The following NAB1 variants were observed in gnomAD, a reference collection of about 807,000 sequenced individuals.
The protein encoded by NAB1 is NGFI-A-binding protein 1.
NAB1 carries 25 observed loss-of-function variants against 49.9 expected under a neutral mutation model. That is an observed-to-expected ratio of 0.50 (90% CI 0.37 to 0.70). The LOEUF is 0.70. Among genes scored for constraint, NAB1 ranks in the 30% least tolerant of loss-of-function variants. The pLI, the probability that NAB1 is intolerant of heterozygous loss-of-function variation, is 0.00. For missense variants in NAB1, 489 were observed against 575.9 expected (o/e 0.85, Z 1.54); for synonymous variants, 198 against 215.6 (o/e 0.92, Z 0.71).
chr2:190,660,464 A>G (rs1216991932), intron 4 of NAB1, among the ~76,000 whole-genome samples: 2 of 152,100 alleles, frequency 1.3e-5, no homozygotes, highest in African/African-American at 2.4e-5. Context: ...CACTTTGAAC[A>G]TTGTTTTGGT....
chr2:190,657,269 C>T lies in NAB1; in HGVS notation c.-20+1116C>T, dbSNP rs1164530859. Among the ~76,000 whole-genome samples, 1 of 152,110 alleles carries T rather than the reference C, an allele frequency of 6.6e-6. No homozygotes were observed. Among genetic ancestry groups the T allele is most frequent in the Non-Finnish European group, 1.5e-5 (1 of 68,022 alleles). ...ATTCTCCCTGGAGTGGGAGGACAGG[C>T]AGAGCCTCCTTTAGGTGATTTAGAA... On this transcript the variant is annotated intron_variant, in intron 3 of 9. Transcript: ENST00000337386. The surrounding 1 kb of genome is among the most constrained non-coding windows in gnomAD (Gnocchi z 4.4).
Position 190,669,871 on chromosome 2 carries a change from T to G in NAB1, c.820-455T>G, listed in dbSNP as rs768509234. Among the ~76,000 whole-genome samples, 14 of 152,222 alleles carry G rather than the reference T, an allele frequency of 9.2e-5. No homozygotes were observed. The highest frequency in any genetic ancestry group is 1.9e-4 in the Non-Finnish European group (13 of 68,036). On this transcript the variant is annotated intron_variant, in intron 4 of 9. Transcript: ENST00000337386. The surrounding 1 kb of genome is among the most constrained non-coding windows in gnomAD (Gnocchi z 4.3). ...TTTACTAAGTGATTTGATAAATGTT[T>G]AAAATCATATGGTCTTGATTCCTTT...
In NAB1 at chr2:190,669,105, C is replaced by T. The variant is rs1049687027; in HGVS notation, c.820-1221C>T. On this transcript the variant is annotated intron_variant, in intron 4 of 9. Coordinates refer to ENST00000337386, the MANE Select transcript of NAB1 (RefSeq NM_005966.4). This position sits in a 1 kb window ranked among gnomAD's most constrained non-coding sequence, Gnocchi z 4.3. ...GAGATGGCCACCAAGTGACTGACAG[C>T]CAGGAGTATAGACAGTGTAGATACA... 3.9e-5 allele frequency among the ~76,000 whole-genome samples: 6 copies of T among 152,082 alleles called. No individual in the cohort carries two copies. Among genetic ancestry groups the T allele is most frequent in the Admixed American group, 1.3e-4 (2 of 15,270 alleles).
intron 2 of NAB1, among the ~76,000 whole-genome samples, chr2:190,650,421 A>C (rs1026010846): frequency 1.3e-5 from 2 of 152,204 alleles, no homozygotes; most frequent in African/African-American, 4.8e-5. Context: ...GTTTTAATAG[A>C]TAATATGAGA....
rs778881617 is a variant in NAB1, at chr2:190,685,538, A to T, written c.1158A>T (p.Arg386Ser). The T allele has an allele frequency of 1.3e-5, 21 of 1,613,972 alleles. No individual in the cohort carries two copies. The highest frequency in any genetic ancestry group is 1.8e-5 in the Non-Finnish European group (21 of 1,180,010). The change falls in exon 8 of 10, where the codon AGA becomes AGT. Residue 386 changes from arginine (R) to serine (S), a missense_variant. Arg to Ser is a moderately radical substitution (Grantham distance 110, BLOSUM62 -1). Transcript: ENST00000337386. This position sits in a 1 kb window ranked among gnomAD's most constrained non-coding sequence, Gnocchi z 4.5. ...EFLCNQAGYERLQHAERRLSA... is the reference protein window; with the variant it reads ...EFLCNQAGYESLQHAERRLSA... The stretch of plus-strand genomic sequence containing the variant: ...TTTGCAACCAAGCTGGCTATGAGAG[A>T]CTGCAGCATGCCGAGAGGAGGTTGT...
At position 190,649,995 on chromosome 2, in the gene NAB1, G is replaced by C. The variant is rs1053011713; in HGVS notation, c.-197+13G>C. On this transcript the variant is annotated intron_variant, in intron 2 of 9. Coordinates refer to ENST00000337386, the MANE Select transcript of NAB1 (RefSeq NM_005966.4). The surrounding 1 kb of genome is among the most constrained non-coding windows in gnomAD (Gnocchi z 6.1). Reference sequence around the variant, plus strand: ...GTTGGATATAGAGGTGTGTGTGTGTGACCTTATCATGGAGAAACACTGAAA... The same window carrying C: ...GTTGGATATAGAGGTGTGTGTGTGTCACCTTATCATGGAGAAACACTGAAA... 1.3e-5 allele frequency: 2 copies of C among 152,112 alleles called. No homozygotes were observed. Among genetic ancestry groups the C allele is most frequent in the African/African-American group, 4.8e-5 (2 of 41,342 alleles). The allele number at this position is 152,112 out of a possible 1,614,324, so 9.4% of individuals were successfully genotyped here.
rs1695292717 is a variant in NAB1 at position 190,680,633 on chromosome 2, C to A, written c.1006-3105C>A. On this transcript the variant is annotated intron_variant, in intron 6 of 9. Coordinates refer to ENST00000337386, the MANE Select transcript of NAB1 (RefSeq NM_005966.4). This position sits in a 1 kb window ranked among gnomAD's most constrained non-coding sequence, Gnocchi z 5.2. ...GACATTTTTGTTGAATGTATAAACA[C>A]ATGTTTCTAGATTTCCAGTGTTCTT... Among the ~76,000 whole-genome samples the A allele has an allele frequency of 1.3e-5, 2 of 152,200 alleles. No individual in the cohort carries two copies. Among genetic ancestry groups the A allele is most frequent in the African/African-American group, 4.8e-5 (2 of 41,432 alleles).
rs1440016121 is a variant in NAB1 at position 190,680,744 on chromosome 2, G to A, written c.1006-2994G>A. Among the ~76,000 whole-genome samples, 1 of 152,188 alleles carries A rather than the reference G, an allele frequency of 6.6e-6. No individual in the cohort carries two copies. On this transcript the variant is annotated intron_variant, in intron 6 of 9. Transcript: ENST00000337386. The surrounding 1 kb of genome is among the most constrained non-coding windows in gnomAD (Gnocchi z 5.2). Reference sequence around the variant, plus strand: ...TGTTGAGTTCTTCCTTCTCTAAGATGTCTGTACTTTGTAATTGTCCATAAA... The same window carrying A: ...TGTTGAGTTCTTCCTTCTCTAAGATATCTGTACTTTGTAATTGTCCATAAA...
Position 190,684,711 on chromosome 2 carries a change from C to A in NAB1, c.1096-765C>A, listed in dbSNP as rs1695518939. Among the ~76,000 whole-genome samples the A allele has an allele frequency of 6.6e-6, 1 of 152,272 alleles. No individual in the cohort carries two copies. Among genetic ancestry groups the A allele is most frequent in the East Asian group, 1.9e-4 (1 of 5,190 alleles). On this transcript the variant is annotated intron_variant, in intron 7 of 9. Transcript: ENST00000337386. This position sits in a 1 kb window ranked among gnomAD's most constrained non-coding sequence, Gnocchi z 4.6. ...TCTCTTATATAGCATGGTAGTGATTCATATCTGTGCATTTTGACTATTATC... is the reference window on the plus strand; with the variant it reads ...TCTCTTATATAGCATGGTAGTGATTAATATCTGTGCATTTTGACTATTATC...
At chr2:190,671,673 C>G (rs879598672) in intron 5 of NAB1, among the ~76,000 whole-genome samples, 3 of 151,832 alleles carry the variant, frequency 2.0e-5, no homozygotes, top group Non-Finnish European at 4.4e-5. Context: ...TCAACGGTTC[C>G]TGTGCTCTGC....
rs1695212233 is a variant in NAB1, at chr2:190,679,194, A to G, written c.1006-4544A>G. 6.6e-6 allele frequency among the ~76,000 whole-genome samples: 1 copy of G among 152,260 alleles called. No homozygotes were observed. Among genetic ancestry groups the G allele is most frequent in the South Asian group, 2.1e-4 (1 of 4,830 alleles). ...GACATAACGAAATTGTGCACCACAC[A>G]TAATGTGAAAGAGACCAGTTTCTTG... On this transcript the variant is annotated intron_variant, in intron 6 of 9. Coordinates refer to ENST00000337386, the MANE Select transcript of NAB1 (RefSeq NM_005966.4). The surrounding 1 kb of genome is among the most constrained non-coding windows in gnomAD (Gnocchi z 5.3).
chr2:190,680,072 C>A lies in NAB1; in HGVS notation c.1006-3666C>A, dbSNP rs982717502. Among the ~76,000 whole-genome samples, 6 of 152,176 alleles carry A rather than the reference C, an allele frequency of 3.9e-5. No homozygotes were observed. Among genetic ancestry groups the A allele is most frequent in the African/African-American group, 1.4e-4 (6 of 41,456 alleles). ...GTTGCCTTATTTCTGCGGCACCTGC[C>A]ACTGTCCAGGGCTGGGCCTTCACCA... On this transcript the variant is annotated intron_variant, in intron 6 of 9. Coordinates refer to ENST00000337386, the MANE Select transcript of NAB1 (RefSeq NM_005966.4). This position sits in a 1 kb window ranked among gnomAD's most constrained non-coding sequence, Gnocchi z 5.2.
At chr2:190,690,029 CT>C (rs1416414679) in intron 9 of NAB1, among the ~76,000 whole-genome samples, 1 of 14,052 alleles carries the variant, frequency 7.1e-5, no homozygotes, top group South Asian at 2.4e-3. Flanking sequence ...TATATGTATA[CT>C]ATATGTATAC....
chr2:190,652,362 G>T lies in NAB1; in HGVS notation c.-197+2380G>T, dbSNP rs1464329420. 6.6e-6 allele frequency among the ~76,000 whole-genome samples: 1 copy of T among 152,154 alleles called. No homozygotes were observed. Among genetic ancestry groups the T allele is most frequent in the Non-Finnish European group, 1.5e-5 (1 of 68,030 alleles). ...GCTCAGTGGGTACTTAATGTTTGTT[G>T]AATGACTTGATGGTTGGTTGGTTAA... is the stretch of plus-strand genomic sequence containing the variant. On this transcript the variant is annotated intron_variant, in intron 2 of 9. Coordinates refer to ENST00000337386, the MANE Select transcript of NAB1 (RefSeq NM_005966.4). The surrounding 1 kb of genome is among the most constrained non-coding windows in gnomAD (Gnocchi z 4.2).
In NAB1 at chr2:190,678,436, A is replaced by G. The variant is rs1210732790; in HGVS notation, c.1005+5284A>G. Among the ~76,000 whole-genome samples, 1 of 152,234 alleles carries G rather than the reference A, an allele frequency of 6.6e-6. No homozygotes were observed. The highest frequency in any genetic ancestry group is 2.4e-5 in the African/African-American group (1 of 41,454). The stretch of plus-strand genomic sequence containing the variant: ...CTACAGTCTCAGACCTGGTGATGGC[A>G]GCTGACTAACTGGACTGAGTGCTAT... On this transcript the variant is annotated intron_variant, in intron 6 of 9. Coordinates refer to ENST00000337386, the MANE Select transcript of NAB1 (RefSeq NM_005966.4). The surrounding 1 kb of genome is among the most constrained non-coding windows in gnomAD (Gnocchi z 4.9).
At chr2:190,655,346 G>A (rs1217597078) in intron 2 of NAB1, among the ~76,000 whole-genome samples, 1 of 152,206 alleles carries the variant, frequency 6.6e-6, no homozygotes, top group Non-Finnish European at 1.5e-5. Context: ...TACAAATACA[G>A]ATTTGGAGGT....
intron 4 of NAB1, among the ~76,000 whole-genome samples, chr2:190,668,715 TTAAG>T (rs940154575): frequency 2.7e-4 from 41 of 152,286 alleles, no homozygotes; most frequent in African/African-American, 9.4e-4. Context: ...TTCAAAAATT[TTAAG>T]TAAGAAAAAT....
At position 190,687,331 on chromosome 2, in the gene NAB1, A is replaced by G. The variant is rs369886743; in HGVS notation, c.1375+14A>G. 27 of 1,379,218 alleles carry G rather than the reference A, an allele frequency of 2.0e-5. No individual in the cohort carries two copies. Among genetic ancestry groups the G allele is most frequent in the Non-Finnish European group, 2.4e-5 (24 of 997,476 alleles). The allele number at this position is 1,379,218 out of a possible 1,614,324, so 85.4% of individuals were successfully genotyped here. On this transcript the variant is annotated intron_variant, in intron 9 of 9. Coordinates refer to ENST00000337386, the MANE Select transcript of NAB1 (RefSeq NM_005966.4). ...CCCACTCATCAGGTGAGAACGTGCTATATGATGAGAGGGTAACACTTGAAT... is the reference window on the plus strand; with the variant it reads ...CCCACTCATCAGGTGAGAACGTGCTGTATGATGAGAGGGTAACACTTGAAT...
chr2:190,659,123 T>C lies in NAB1; in HGVS notation c.-19-35T>C. The C allele has an allele frequency of 5.0e-6, 7 of 1,386,404 alleles. No homozygotes were observed. In the South Asian group the frequency reaches 9.7e-5, roughly 19 times the overall value. The allele number at this position is 1,386,404 out of a possible 1,614,324, so 85.9% of individuals were successfully genotyped here. A position where few individuals can be genotyped will look rare whatever the true frequency, so the allele number is the denominator to read the frequency against. On this transcript the variant is annotated intron_variant, in intron 3 of 9. Coordinates refer to ENST00000337386, the MANE Select transcript of NAB1 (RefSeq NM_005966.4). This position sits in a 1 kb window ranked among gnomAD's most constrained non-coding sequence, Gnocchi z 6.2. ...TGGTGTAAGGAGTTTGAAGCAAGTA[T>C]GATGAGTTTTTACTTTTTTTTTTTT...
Sources: gnomAD v4.1 joint callset for allele counts (sites outside exome capture counted in the v4.1 genomes callset) on GRCh38, gnomAD v4.1.1 for gene constraint, Gnocchi (gnomAD v3.1) non-coding constraint, MANE v1.5 for transcripts, NCBI Gene and HGNC (gene_info 2026-07-23, HGNC 2026-07-21) for gene names.